The following RORA variants were observed in gnomAD, a reference collection of about 807,000 sequenced individuals.
RORA encodes nuclear receptor ROR-alpha.
Under a neutral mutation model 69.5 loss-of-function variants are expected in RORA, and 7 were observed. That is an observed-to-expected ratio of 0.10 (90% CI 0.06 to 0.19). The LOEUF (loss-of-function observed/expected upper bound fraction) is 0.19, where lower values mean the gene tolerates loss of function less well. Among genes scored for constraint, RORA ranks in the 10% least tolerant of loss-of-function variants. The pLI is 1.00. For missense variants in RORA, 457 were observed against 663.0 expected (o/e 0.69, Z 3.41); for synonymous variants, 261 against 240.8 (o/e 1.08, Z -0.78).
intron 1 of RORA, among the ~76,000 whole-genome samples, chr15:61,012,072 T>C (rs923702724): frequency 7.2e-5 from 11 of 152,230 alleles, no homozygotes; most frequent in Non-Finnish European, 1.3e-4. Flanking sequence ...GGGTGTTCAC[T>C]AGCAGATTAT....
At chr15:60,564,986 G>A (rs2067675767) in intron 2 of RORA, among the ~76,000 whole-genome samples, 1 of 152,134 alleles carries the variant, frequency 6.6e-6, no homozygotes, top group South Asian at 2.1e-4. Context: ...CCCCTTGTGA[G>A]CTCGGTAAAT....
intron 1 of RORA, among the ~76,000 whole-genome samples, chr15:61,209,700 T>G (rs2140935601): frequency 6.6e-6 from 1 of 152,364 alleles, no homozygotes; most frequent in African/African-American, 2.4e-5. Flanking sequence ...CCAAATACTT[T>G]ACTTTTGTAC....
At chr15:60,684,073 A>G (rs1466950748) in intron 1 of RORA, among the ~76,000 whole-genome samples, 1 of 151,890 alleles carries the variant, frequency 6.6e-6, no homozygotes, top group East Asian at 1.9e-4. Flanking sequence ...TTGTCTGGGT[A>G]TCCAGTTAAT....
chr15:60,908,140 T>C (rs1354706574), intron 1 of RORA, among the ~76,000 whole-genome samples: 1 of 152,148 alleles, frequency 6.6e-6, no homozygotes, highest in Non-Finnish European at 1.5e-5. Flanking sequence ...CAGTTTAGTT[T>C]ATAGTTGATC....
chr15:60,809,532 T>C (rs921017656), intron 1 of RORA, among the ~76,000 whole-genome samples: 2 of 152,220 alleles, frequency 1.3e-5, no homozygotes, highest in African/African-American at 2.4e-5. Flanking sequence ...TTTATGTAAC[T>C]ACTTTTTGAT....
rs933175333 is a variant in RORA, at chr15:60,491,186, A to G, written c.*6269T>C. 4.6e-5 allele frequency: 7 copies of G among 152,204 alleles called. No homozygotes were observed. Among genetic ancestry groups the G allele is most frequent in the Admixed American group, 6.5e-5 (1 of 15,278 alleles). The allele number at this position is 152,204 out of a possible 1,614,324, so 9.4% of individuals were successfully genotyped here. On this transcript the variant is annotated 3_prime_UTR_variant, in exon 11 of 11. Transcript: ENST00000335670. The stretch of plus-strand genomic sequence containing the variant: ...AGAATTATCTGCATTTACATATGCA[A>G]TCTGTTCAGTGATAATCAAGTTCCT...
At chr15:60,585,335 C>T (rs951621398) in intron 2 of RORA, among the ~76,000 whole-genome samples, 2 of 152,188 alleles carry the variant, frequency 1.3e-5, no homozygotes, top group African/African-American at 4.8e-5. Context: ...CTACCTCATG[C>T]AGAGTTTCTG....
chr15:60,939,524 T>C (rs904759964), intron 1 of RORA, among the ~76,000 whole-genome samples: 5 of 152,168 alleles, frequency 3.3e-5, no homozygotes, highest in Non-Finnish European at 7.3e-5. Flanking sequence ...GCCTTAAGTG[T>C]TCATTTACCA....
chr15:60,863,942 G>C (rs1359350635), intron 1 of RORA, among the ~76,000 whole-genome samples: 1 of 152,082 alleles, frequency 6.6e-6, no homozygotes, highest in Non-Finnish European at 1.5e-5. Flanking sequence ...AAGAAGCTGA[G>C]ACTACAGGTG....
intron 1 of RORA, among the ~76,000 whole-genome samples, chr15:61,108,328 A>G (rs1230881151): frequency 1.3e-5 from 2 of 152,192 alleles, no homozygotes; most frequent in African/African-American, 4.8e-5. Context: ...TTTTTTTAAT[A>G]TTAGTTCATG....
chr15:60,807,720 A>G (rs932812726), intron 1 of RORA, among the ~76,000 whole-genome samples: 3 of 152,226 alleles, frequency 2.0e-5, no homozygotes, highest in Non-Finnish European at 2.9e-5. Context: ...CTTGGTATAA[A>G]AATAGGCACA....
At chr15:61,127,719 A>C (rs2079155492) in intron 1 of RORA, among the ~76,000 whole-genome samples, 1 of 152,234 alleles carries the variant, frequency 6.6e-6, no homozygotes, top group African/African-American at 2.4e-5. Flanking sequence ...AGCAGAACTC[A>C]GGCTTCCAAT....
At chr15:60,755,581 A>T (rs577823083) in intron 1 of RORA, among the ~76,000 whole-genome samples, 3 of 152,222 alleles carry the variant, frequency 2.0e-5, no homozygotes, top group Admixed American at 6.5e-5. Context: ...CAATGGTTGA[A>T]CTAGTTTACA....
At chr15:60,792,131 G>C (rs12914092) in intron 1 of RORA, among the ~76,000 whole-genome samples, 19,718 of 152,146 alleles carry the variant, frequency 0.13, 1,638 homozygotes, top group East Asian at 0.43. Flanking sequence ...AGAAATCCTA[G>C]AGTTGAAAAG....
intron 1 of RORA, among the ~76,000 whole-genome samples, chr15:61,022,464 C>A (rs998844339): frequency 6.6e-6 from 1 of 151,998 alleles, no homozygotes; most frequent in Non-Finnish European, 1.5e-5. Context: ...ATCTTTTTCC[C>A]AATGCTTTTA....
At chr15:60,714,495 G>T (rs2071193734) in intron 1 of RORA, among the ~76,000 whole-genome samples, 1 of 151,906 alleles carries the variant, frequency 6.6e-6, no homozygotes, top group Non-Finnish European at 1.5e-5. Flanking sequence ...CTCCCTAGTA[G>T]CTGGGATTAC....
chr15:60,595,769 TTA>T, intron 2 of RORA, among the ~76,000 whole-genome samples: 1 of 152,018 alleles, frequency 6.6e-6, no homozygotes, highest in Admixed American at 6.5e-5. Context: ...TGGGAGTTTG[TTA>T]TATATTAATT....
intron 1 of RORA, among the ~76,000 whole-genome samples, chr15:61,005,710 A>G (rs1270437103): frequency 6.6e-6 from 1 of 152,200 alleles, no homozygotes; most frequent in Non-Finnish European, 1.5e-5. Context: ...ACAACACAAT[A>G]AAGTATACAC....
At chr15:60,598,017 C>A (rs1259250081) in intron 2 of RORA, among the ~76,000 whole-genome samples, 1 of 152,026 alleles carries the variant, frequency 6.6e-6, no homozygotes, top group East Asian at 1.9e-4. Context: ...AACCTACATC[C>A]CACTCACTAG....
Sources: gnomAD v4.1 joint callset for allele counts (sites outside exome capture counted in the v4.1 genomes callset) on GRCh38, gnomAD v4.1.1 for gene constraint, MANE v1.5 for transcripts, NCBI Gene and HGNC (gene_info 2026-07-23, HGNC 2026-07-21) for gene names.